Variants in BRINP3 observed in about 807,000 individuals in gnomAD.
The protein encoded by BRINP3 is BMP/retinoic acid inducible neural specific 3.
BRINP3 carries 19 observed loss-of-function variants against 71.0 expected under a neutral mutation model. That is an observed-to-expected ratio of 0.27 (90% CI 0.19 to 0.39). BRINP3 has a LOEUF of 0.39. BRINP3 is among the 10% of genes least tolerant of loss of function. The pLI is 1.00. For synonymous variants in BRINP3, 380 were observed against 337.7 expected (o/e 1.13, Z -1.37); for missense variants, 959 against 940.8 (o/e 1.02, Z -0.25).
intron 2 of BRINP3, among the ~76,000 whole-genome samples, chr1:190,408,321 G>A (rs1672440245): frequency 6.6e-6 from 1 of 151,950 alleles, no homozygotes; most frequent in African/African-American, 2.4e-5. Flanking sequence ...TGGGATTACA[G>A]GCGTGAGCCA....
At chr1:190,317,764 C>T (rs1380204751) in intron 2 of BRINP3, among the ~76,000 whole-genome samples, 3 of 152,110 alleles carry the variant, frequency 2.0e-5, no homozygotes, top group Admixed American at 6.6e-5. Context: ...GCCTGTTGAA[C>T]TCACACTTAT....
At chr1:190,456,416 A>T (rs1334049023) in intron 1 of BRINP3, among the ~76,000 whole-genome samples, 1 of 152,186 alleles carries the variant, frequency 6.6e-6, no homozygotes, top group Non-Finnish European at 1.5e-5. Flanking sequence ...AAGTGAAGAC[A>T]TTTTAAAAAT....
At position 190,098,508 on chromosome 1, in the gene BRINP3, G is replaced by A; in HGVS notation, c.1811C>T (p.Pro604Leu). 2 of 1,614,058 alleles carry A rather than the reference G, an allele frequency of 1.2e-6. No homozygotes were observed. Among genetic ancestry groups the A allele is most frequent in the East Asian group, 2.2e-5 (1 of 44,870 alleles). ...PDWERTKLDL[P>L]LQCYNWTLTL... ...TAATGTCCAGTTATAACACTGCAGG[G>A]GTAGGTCCAACTTAGTCCGCTCCCA... The change falls in exon 8 of 8, where the codon CCC becomes CTC. Residue 604 changes from proline to leucine, a missense_variant. By Grantham distance (98) the Pro-to-Leu change is moderately conservative. Coordinates refer to ENST00000367462, the MANE Select transcript of BRINP3 (RefSeq NM_199051.3).
intron 7 of BRINP3, among the ~76,000 whole-genome samples, chr1:190,144,191 C>A (rs1028461868): frequency 6.6e-6 from 1 of 152,094 alleles, no homozygotes; most frequent in Non-Finnish European, 1.5e-5. Flanking sequence ...AACCCCCTCC[C>A]CCTTTTTATT....
intron 7 of BRINP3, among the ~76,000 whole-genome samples, chr1:190,116,613 C>G (rs1201542735): frequency 1.3e-5 from 2 of 152,016 alleles, no homozygotes; most frequent in African/African-American, 2.4e-5. Flanking sequence ...GTAAACATAA[C>G]AATCTAAAGG....
intron 3 of BRINP3, among the ~76,000 whole-genome samples, chr1:190,269,964 A>G (rs1661965576): frequency 6.6e-6 from 1 of 152,014 alleles, no homozygotes; most frequent in African/African-American, 2.4e-5. Flanking sequence ...TTTGGCAACA[A>G]CATAAATGCC....
intron 7 of BRINP3, among the ~76,000 whole-genome samples, chr1:190,106,298 A>T (rs1652156563): frequency 8.6e-5 from 13 of 151,732 alleles, no homozygotes; most frequent in Admixed American, 8.5e-4. Flanking sequence ...TATATATATA[A>T]CATATGTTTA....
At chr1:190,177,730 C>A (rs1046712918) in intron 6 of BRINP3, among the ~76,000 whole-genome samples, 5 of 152,122 alleles carry the variant, frequency 3.3e-5, no homozygotes, top group Admixed American at 2.0e-4. Flanking sequence ...TACCTAAGTT[C>A]TCTTGGGAAT....
intron 2 of BRINP3, among the ~76,000 whole-genome samples, chr1:190,413,542 A>T (rs1200769154): frequency 1.3e-5 from 2 of 152,210 alleles, no homozygotes; most frequent in Admixed American, 6.5e-5. Flanking sequence ...AGGCAATGTT[A>T]TCAAGGAGAC....
At chr1:190,384,296 G>T (rs1412222094) in intron 2 of BRINP3, among the ~76,000 whole-genome samples, 1 of 151,566 alleles carries the variant, frequency 6.6e-6, no homozygotes, top group Non-Finnish European at 1.5e-5. Context: ...ATAGGGTGAA[G>T]ATAATTTCAT....
At chr1:190,131,267 T>A (rs887804625) in intron 7 of BRINP3, among the ~76,000 whole-genome samples, 2 of 151,396 alleles carry the variant, frequency 1.3e-5, no homozygotes, top group African/African-American at 4.8e-5. Context: ...CAAAGTTAAG[T>A]GGATATAGGA....
At chr1:190,145,092 ATTTAC>A (rs1655774738) in intron 7 of BRINP3, among the ~76,000 whole-genome samples, 2 of 151,938 alleles carry the variant, frequency 1.3e-5, no homozygotes, top group South Asian at 4.1e-4. Context: ...TAATTTGCCC[ATTTAC>A]TTTATTTTTT....
chr1:190,175,068 G>A (rs1304582332), intron 6 of BRINP3, among the ~76,000 whole-genome samples: 2 of 152,106 alleles, frequency 1.3e-5, no homozygotes, highest in East Asian at 1.9e-4. Flanking sequence ...ATGCTTTGCA[G>A]ACTCCTGGCA....
At chr1:190,352,147 AAAATATAT>A (rs1486356095) in intron 2 of BRINP3, among the ~76,000 whole-genome samples, 6 of 152,050 alleles carry the variant, frequency 3.9e-5, no homozygotes, top group African/African-American at 7.2e-5. Flanking sequence ...TTGTGTAGAA[AAAATATAT>A]ATGTTCTGTG....
chr1:190,384,462 G>C (rs1670754240), intron 2 of BRINP3, among the ~76,000 whole-genome samples: 1 of 151,400 alleles, frequency 6.6e-6, no homozygotes, highest in South Asian at 2.1e-4. Flanking sequence ...AATATTGCTG[G>C]AGATAAATAT....
chr1:190,421,707 G>A (rs891410011), intron 2 of BRINP3, among the ~76,000 whole-genome samples: 11 of 151,676 alleles, frequency 7.3e-5, no homozygotes, highest in African/African-American at 4.8e-5. Context: ...CCACTCACTA[G>A]TTCTGTGCCA....
chr1:190,255,643 T>C (rs1439231414), intron 4 of BRINP3, among the ~76,000 whole-genome samples: 1 of 152,190 alleles, frequency 6.6e-6, no homozygotes, highest in East Asian at 1.9e-4. Context: ...TTTTGTCATT[T>C]TTTATTGCAT....
intron 7 of BRINP3, among the ~76,000 whole-genome samples, chr1:190,111,212 T>C (rs1286700749): frequency 7.1e-6 from 1 of 141,354 alleles, no homozygotes. Flanking sequence ...AAAAAAACTT[T>C]AGAACTTTAA....
intron 7 of BRINP3, among the ~76,000 whole-genome samples, chr1:190,138,780 T>G (rs144666972): frequency 4.8e-4 from 73 of 152,274 alleles, no homozygotes; most frequent in South Asian, 2.1e-4. Context: ...TCCTTCTTTG[T>G]GTCCAGACCA....
Sources: gnomAD v4.1 joint callset for allele counts (sites outside exome capture counted in the v4.1 genomes callset) on GRCh38, gnomAD v4.1.1 for gene constraint, MANE v1.5 for transcripts, NCBI Gene and HGNC (gene_info 2026-07-23, HGNC 2026-07-21) for gene names.